PRICKLE2: variants seen among roughly 807,000 people sequenced by gnomAD.
The protein encoded by PRICKLE2 is prickle planar cell polarity protein 2.
A neutral mutation model predicts 81.4 loss-of-function variants in PRICKLE2; 21 were observed. The ratio of observed to expected loss-of-function variants is 0.26; its 90% CI spans 0.18 to 0.37. The LOEUF (loss-of-function observed/expected upper bound fraction) is 0.37. Among genes scored for constraint, PRICKLE2 ranks in the 10% least tolerant of loss-of-function variants. PRICKLE2 has a pLI of 1.00. For synonymous variants in PRICKLE2, 456 were observed against 421.5 expected (o/e 1.08, Z -1.00); for missense variants, 940 against 1,109.0 (o/e 0.85, Z 2.16).
intron 7 of PRICKLE2, among the ~76,000 whole-genome samples, chr3:64,123,286 G>T (rs985281): frequency 0.81 from 123,448 of 152,194 alleles, 50,436 homozygotes; most frequent in East Asian, 0.99. Flanking sequence ...TCAGATGACT[G>T]TGAGCTATAT....
intron 2 of PRICKLE2, among the ~76,000 whole-genome samples, chr3:64,257,803 A>G (rs568444403): frequency 6.6e-6 from 1 of 152,198 alleles, no homozygotes; most frequent in South Asian, 2.1e-4. Context: ...TTCTCCCTCA[A>G]ATTCATAGGT....
At chr3:64,220,679 T>C (rs952178563) in intron 1 of PRICKLE2, among the ~76,000 whole-genome samples, 28 of 152,152 alleles carry the variant, frequency 1.8e-4, no homozygotes, top group Non-Finnish European at 3.4e-4. Context: ...ACTCTGGCAA[T>C]GCTTTGTCAA....
chr3:64,100,240 G>A, intron 7 of PRICKLE2: 1 of 366,770 alleles, frequency 2.7e-6, no homozygotes, highest in East Asian at 5.2e-5. Context: ...CCTCTATTTG[G>A]AGTTTCACTT....
chr3:64,205,653 G>T (rs907024550), intron 1 of PRICKLE2, among the ~76,000 whole-genome samples: 9 of 152,182 alleles, frequency 5.9e-5, no homozygotes, highest in Non-Finnish European at 1.3e-4. Context: ...ACAAGTTCAA[G>T]TAGCAAATTG....
At chr3:64,232,701 G>A (rs889691309) in intron 2 of PRICKLE2, among the ~76,000 whole-genome samples, 3 of 152,144 alleles carry the variant, frequency 2.0e-5, no homozygotes, top group African/African-American at 4.8e-5. Flanking sequence ...GACTCAAGGC[G>A]AGACCTTTTC....
chr3:64,228,059 G>T (rs533502127), upstream of PRICKLE2, among the ~76,000 whole-genome samples: 1 of 152,176 alleles, frequency 6.6e-6, no homozygotes, highest in African/African-American at 2.4e-5. Flanking sequence ...CAAGAGGCGG[G>T]CTCCCTCTTC....
intron 2 of PRICKLE2, among the ~76,000 whole-genome samples, chr3:64,258,845 A>AAAAGAAAGAAAGAAAGAAAG (rs572884974): frequency 0.021 from 716 of 33,918 alleles, 15 homozygotes; most frequent in Admixed American, 0.032. Flanking sequence ...AAAAAAAAAA[A>AAAAGAAAGAAAGAAAGAAAG]AAAGAAAGAA....
chr3:64,209,515 T>C (rs181492008), intron 1 of PRICKLE2, among the ~76,000 whole-genome samples: 19 of 151,576 alleles, frequency 1.3e-4, no homozygotes, highest in Admixed American at 3.9e-4. Context: ...TCCATTCATA[T>C]CTGTAAATAC....
intron 7 of PRICKLE2, among the ~76,000 whole-genome samples, chr3:64,124,971 G>C (rs2077084640): frequency 6.6e-6 from 1 of 152,074 alleles, no homozygotes; most frequent in South Asian, 2.1e-4. Flanking sequence ...TGATGGATCT[G>C]GGCAAAATAA....
intron 7 of PRICKLE2, among the ~76,000 whole-genome samples, chr3:64,121,714 GC>G (rs1451276417): frequency 6.6e-6 from 1 of 152,048 alleles, no homozygotes; most frequent in Non-Finnish European, 1.5e-5. Flanking sequence ...GTTTCTTGCC[GC>G]CCCCTAGTCC....
rs1016588422 is a variant in PRICKLE2 at position 64,097,775 on chromosome 3, G to A, written c.*1276C>T. ...ACTGGACTCTTTCTACAATCTCTGG[G>A]AGCTCTTCGAGGTGGTTGTCACCTG... On this transcript the variant is annotated 3_prime_UTR_variant, in exon 8 of 8. Coordinates refer to ENST00000638394, the MANE Select transcript of PRICKLE2 (RefSeq NM_198859.4). 2.6e-5 allele frequency: 4 copies of A among 152,490 alleles called. No individual in the cohort carries two copies. Among genetic ancestry groups the A allele is most frequent in the African/African-American group, 9.7e-5 (4 of 41,376 alleles). 9.4% of individuals were successfully genotyped at this position (152,490 alleles called of 1,614,324 possible).
At chr3:64,264,888 A>G (rs1446364751) in intron 2 of PRICKLE2, among the ~76,000 whole-genome samples, 1 of 152,172 alleles carries the variant, frequency 6.6e-6, no homozygotes, top group Non-Finnish European at 1.5e-5. Context: ...TGATAGGTAC[A>G]AGGATTTCTC....
intron 6 of PRICKLE2, among the ~76,000 whole-genome samples, chr3:64,151,464 A>G (rs569985242): frequency 6.6e-6 from 1 of 152,342 alleles, no homozygotes; most frequent in Admixed American, 6.5e-5. Flanking sequence ...TACATGCTGC[A>G]GCAACAGAGA....
chr3:64,203,581 G>A (rs1287676801), intron 1 of PRICKLE2, among the ~76,000 whole-genome samples: 1 of 152,048 alleles, frequency 6.6e-6, no homozygotes, highest in Non-Finnish European at 1.5e-5. Flanking sequence ...ATGATTTAAC[G>A]AACTGAGGAT....
chr3:64,103,910 G>T (rs2076709698), intron 7 of PRICKLE2, among the ~76,000 whole-genome samples: 1 of 152,186 alleles, frequency 6.6e-6, no homozygotes, highest in Non-Finnish European at 1.5e-5. Context: ...AGCCCAGGAG[G>T]TGGAGGCTGC....
chr3:64,119,756 C>T (rs2076996648), intron 7 of PRICKLE2, among the ~76,000 whole-genome samples: 1 of 152,214 alleles, frequency 6.6e-6, no homozygotes, highest in African/African-American at 2.4e-5. Context: ...CACATGCACT[C>T]ATATGTTCAT....
chr3:64,132,528 A>T (rs2077211559), intron 7 of PRICKLE2, among the ~76,000 whole-genome samples: 1 of 152,210 alleles, frequency 6.6e-6, no homozygotes, highest in Non-Finnish European at 1.5e-5. Flanking sequence ...CCACAGAAGG[A>T]CTAGTCTGAT....
chr3:64,224,942 G>C lies in PRICKLE2; in HGVS notation c.-73C>G, dbSNP rs1041684011. ...GAGGATGAAATGCCCAGTCTCGGAG[G>C]AAGCTTCTGCCAGACCCTTGGAGCT... On this transcript the variant is annotated 5_prime_UTR_variant, in exon 1 of 8. Coordinates refer to ENST00000638394, the MANE Select transcript of PRICKLE2 (RefSeq NM_198859.4). The C allele has an allele frequency of 3.0e-6, 3 of 985,188 alleles. No individual in the cohort carries two copies. The highest frequency in any genetic ancestry group is 1.1e-4 in the East Asian group (1 of 8,806). The allele number at this position is 985,188 out of a possible 1,614,324, so 61.0% of individuals were successfully genotyped here.
Position 64,092,907 on chromosome 3 carries a change from C to A in PRICKLE2, c.*6144G>T, listed in dbSNP as rs1027378379. The stretch of plus-strand genomic sequence containing the variant: ...AATATAAAATTTACCATCTTAACCA[C>A]TTTTAAGTGTACAGTTCAGTAGTAT... On this transcript the variant is annotated 3_prime_UTR_variant, in exon 8 of 8. Coordinates refer to ENST00000638394, the MANE Select transcript of PRICKLE2 (RefSeq NM_198859.4). 1 of 152,234 alleles carries A rather than the reference C, an allele frequency of 6.6e-6. No individual in the cohort carries two copies. Among genetic ancestry groups the A allele is most frequent in the African/African-American group, 2.4e-5 (1 of 41,460 alleles). The allele number at this position is 152,234 out of a possible 1,614,324, so 9.4% of individuals were successfully genotyped here.
Sources: allele counts gnomAD v4.1 joint callset (sites outside exome capture counted in the v4.1 genomes callset), GRCh38; gene constraint gnomAD v4.1.1; transcripts MANE v1.5; gene names NCBI Gene and HGNC (gene_info 2026-07-23, HGNC 2026-07-21).